The following ATP6V0D1 variants were observed in gnomAD, a reference collection of about 807,000 sequenced individuals.
ATP6V0D1 encodes the protein V-type proton ATPase subunit d 1.
A neutral mutation model predicts 39.0 loss-of-function variants in ATP6V0D1; 13 were observed. The observed-to-expected ratio is 0.33, with a 90% CI of 0.22 to 0.53. ATP6V0D1 has a LOEUF of 0.53. Ranked by LOEUF, ATP6V0D1 falls within the 20% of genes least tolerant of loss-of-function variation. The pLI, the probability that ATP6V0D1 is intolerant of heterozygous loss-of-function variation, is 0.94. For missense variants in ATP6V0D1, 272 were observed against 470.9 expected (o/e 0.58, Z 3.91); for synonymous variants, 191 against 191.2 (o/e 1.00, Z 0.01).
At chr16:67,478,724 C>T (rs1434292172) in intron 1 of ATP6V0D1, among the ~76,000 whole-genome samples, 2 of 9,074 alleles carry the variant, frequency 2.2e-4, no homozygotes, top group Admixed American at 1.9e-3. Context: ...GGGCAGAGGG[C>T]GGGAGGGTGG....
intron 1 of ATP6V0D1, among the ~76,000 whole-genome samples, chr16:67,462,827 CAAA>C (rs397969611): frequency 2.0e-5 from 2 of 100,132 alleles, no homozygotes. Flanking sequence ...GACTCTGTCT[CAAA>C]AAAAAAAAAA....
intron 1 of ATP6V0D1, among the ~76,000 whole-genome samples, chr16:67,462,707 A>G (rs902464725): frequency 6.6e-6 from 1 of 152,120 alleles, no homozygotes; most frequent in Non-Finnish European, 1.5e-5. Flanking sequence ...ACATGCCTGT[A>G]GTCTCAGCTA....
chr16:67,445,062 G>C (rs1471104391), intron 2 of ATP6V0D1, among the ~76,000 whole-genome samples: 1 of 152,224 alleles, frequency 6.6e-6, no homozygotes, highest in Non-Finnish European at 1.5e-5. Flanking sequence ...CCCAGCCCAG[G>C]GGGTGAAGAG....
rs557245075 is a variant in ATP6V0D1 at position 67,473,371 on chromosome 16, T to C, written c.130+7586A>G. Among the ~76,000 whole-genome samples the C allele has an allele frequency of 2.0e-5, 3 of 152,156 alleles. No homozygotes were observed. In the East Asian group the frequency reaches 5.8e-4, roughly 29 times the overall value. On this transcript the variant is annotated intron_variant, in intron 1 of 7. Coordinates refer to ENST00000290949, the MANE Select transcript of ATP6V0D1 (RefSeq NM_004691.5). Reference sequence around the variant, plus strand: ...GTTTTAGGACTTTTTTTTTTTTAGATGGAGTCTTACTCTGTCACCCAGGCT... The same window carrying C: ...GTTTTAGGACTTTTTTTTTTTTAGACGGAGTCTTACTCTGTCACCCAGGCT...
chr16:67,444,338 G>A lies in ATP6V0D1; in HGVS notation c.481+190C>T, dbSNP rs1236613159. Among the ~76,000 whole-genome samples, 1 of 152,234 alleles carries A rather than the reference G, an allele frequency of 6.6e-6. No homozygotes were observed. Among genetic ancestry groups the A allele is most frequent in the East Asian group, 1.9e-4 (1 of 5,198 alleles). On this transcript the variant is annotated intron_variant, in intron 3 of 7. Coordinates refer to ENST00000290949, the MANE Select transcript of ATP6V0D1 (RefSeq NM_004691.5). This position sits in a 1 kb window ranked among gnomAD's most constrained non-coding sequence, Gnocchi z 4.8. The stretch of plus-strand genomic sequence containing the variant: ...CTGCCTGGCCCAGCAAAAGCAACAG[G>A]ACAGGAGCAGAAGAGGGGTGAAGTG...
At chr16:67,480,219 A>G (rs1200184967) in intron 1 of ATP6V0D1, among the ~76,000 whole-genome samples, 2 of 107,662 alleles carry the variant, frequency 1.9e-5, no homozygotes, top group Admixed American at 8.0e-5. Flanking sequence ...AAAAAAAAAA[A>G]AAGAAGTCAA....
chr16:67,470,603 G>A (rs916066899), intron 1 of ATP6V0D1, among the ~76,000 whole-genome samples: 2 of 152,238 alleles, frequency 1.3e-5, no homozygotes, highest in Non-Finnish European at 2.9e-5. Flanking sequence ...CAGATGGCCT[G>A]GCGCGGGCCT....
chr16:67,452,344 C>A (rs1407006648), intron 2 of ATP6V0D1: 1 of 1,535,724 alleles, frequency 6.5e-7, no homozygotes, highest in South Asian at 1.2e-5. Context: ...TCAGGTGTCC[C>A]AGCCTCTGAC....
chr16:67,461,351 A>G (rs2041288017), intron 1 of ATP6V0D1, among the ~76,000 whole-genome samples: 1 of 152,136 alleles, frequency 6.6e-6, no homozygotes, highest in Admixed American at 6.5e-5. Flanking sequence ...CTGTCCCCAA[A>G]CCTACATCTC....
intron 1 of ATP6V0D1, among the ~76,000 whole-genome samples, chr16:67,472,873 A>AAT (rs1555521026): frequency 6.6e-6 from 1 of 152,088 alleles, no homozygotes; most frequent in Non-Finnish European, 1.5e-5. Flanking sequence ...GTCTCAAAAA[A>AAT]ATATATATAT....
intron 2 of ATP6V0D1, among the ~76,000 whole-genome samples, chr16:67,451,873 C>A (rs2041184616): frequency 6.6e-6 from 1 of 152,254 alleles, no homozygotes; most frequent in Non-Finnish European, 1.5e-5. Context: ...GCCTGGCAGG[C>A]TAAGACCAAG....
rs543199421 is a variant in ATP6V0D1, at chr16:67,471,483, C to T, written c.130+9474G>A. On this transcript the variant is annotated intron_variant, in intron 1 of 7. Coordinates refer to ENST00000290949, the MANE Select transcript of ATP6V0D1 (RefSeq NM_004691.5). ...GGGATTACAGGCATGAGCCACCACA[C>T]GTGGCCTATTATTTCTTTGTGTTGA... Among the ~76,000 whole-genome samples, 5 of 152,238 alleles carry T rather than the reference C, an allele frequency of 3.3e-5. No homozygotes were observed. In the South Asian group the frequency reaches 8.3e-4, roughly 25 times the overall value.
chr16:67,472,593 C>A (rs571837834), intron 1 of ATP6V0D1, among the ~76,000 whole-genome samples: 39 of 152,266 alleles, frequency 2.6e-4, no homozygotes, highest in Non-Finnish European at 2.9e-5. Context: ...GGCGGCTGGG[C>A]GCGGTGGCTC....
intron 1 of ATP6V0D1, among the ~76,000 whole-genome samples, chr16:67,478,923 G>C (rs890358832): frequency 7.9e-5 from 12 of 151,430 alleles, no homozygotes; most frequent in Middle Eastern, 3.2e-3. Flanking sequence ...AATGTCTATT[G>C]ATGATCAATG....
intron 1 of ATP6V0D1, chr16:67,455,907 G>A (rs2041232850): frequency 6.6e-6 from 1 of 151,994 alleles, no homozygotes; most frequent in African/African-American, 2.4e-5. Flanking sequence ...GGTCATTGCT[G>A]AAATAATATA....
intron 1 of ATP6V0D1, among the ~76,000 whole-genome samples, chr16:67,469,253 A>T (rs746345249): frequency 6.6e-6 from 1 of 152,240 alleles, no homozygotes; most frequent in Non-Finnish European, 1.5e-5. Flanking sequence ...GGTTGCAGTG[A>T]GCCGAGATTG....
chr16:67,452,987 A>G (rs1190772115), intron 2 of ATP6V0D1, among the ~76,000 whole-genome samples: 1 of 152,200 alleles, frequency 6.6e-6, no homozygotes, highest in Non-Finnish European at 1.5e-5. Flanking sequence ...AAAGGCAGCT[A>G]GACGTTCAGC....
intron 6 of ATP6V0D1, 28 bp from the exon 7 acceptor site, chr16:67,438,898 A>G (rs2041011071): frequency 1.2e-6 from 2 of 1,612,176 alleles, no homozygotes; most frequent in African/African-American, 1.3e-5. Flanking sequence ...GGGAAGCACA[A>G]GCATGAGGGT....
At chr16:67,443,029 A>C (rs1597568507) in intron 4 of ATP6V0D1, 70 bp downstream of exon 4, 1 of 1,526,638 alleles carries the variant, frequency 6.6e-7, no homozygotes, top group Non-Finnish European at 9.0e-7. Context: ...CACATAAATC[A>C]CCACCCTACC....
Sources: gnomAD v4.1 joint callset for allele counts (sites outside exome capture counted in the v4.1 genomes callset) on GRCh38, gnomAD v4.1.1 for gene constraint, Gnocchi (gnomAD v3.1) non-coding constraint, MANE v1.5 for transcripts, NCBI Gene and HGNC (gene_info 2026-07-23, HGNC 2026-07-21) for gene names.